Variants in TFE3 observed in about 807,000 individuals in gnomAD.
TFE3 encodes transcription factor E3.
In TFE3, 5 loss-of-function variants were observed where a neutral mutation model predicts 35.0. The ratio of observed to expected loss-of-function variants is 0.14; its 90% CI spans 0.07 to 0.30. The LOEUF is 0.30. TFE3 is among the 10% of genes least tolerant of loss of function. TFE3 has a pLI of 1.00. For synonymous variants in TFE3, 211 were observed against 215.6 expected (o/e 0.98, Z 0.18); for missense variants, 374 against 496.6 (o/e 0.75, Z 2.35).
At chrX:49,032,868 G>T (rs2064707451) in intron 8 of TFE3, among the ~76,000 whole-genome samples, 1 of 110,563 alleles carries the variant, frequency 9.0e-6, no homozygotes, top group African/African-American at 3.3e-5. Flanking sequence ...GTGGAGACAG[G>T]GTTTCACCAT....
At chrX:49,043,040 G>A (rs1197968722) in intron 1 of TFE3, 71 bp downstream of exon 1, 2 of 941,026 alleles carry the variant, frequency 2.1e-6, no homozygotes, top group Non-Finnish European at 2.8e-6. Flanking sequence ...CCAGTCCGGG[G>A]CCCCCACTGC....
At chrX:49,043,083 G>T (rs782499491) in intron 1 of TFE3, 28 bp downstream of exon 1, 1 of 1,110,385 alleles carries the variant, frequency 9.0e-7, no homozygotes, top group Non-Finnish European at 1.2e-6. Context: ...GCCCCAGTCG[G>T]CACTCCCAGC....
chrX:49,034,074 A>T, intron 6 of TFE3, 60 bp downstream of exon 6: 1 of 974,159 alleles, frequency 1.0e-6, no homozygotes, highest in African/African-American at 1.9e-5. Flanking sequence ...TAGACCTGGT[A>T]GGCACAGGGC....
chrX:49,039,990 C>A (rs782250054), intron 2 of TFE3, among the ~76,000 whole-genome samples: 1 of 110,153 alleles, frequency 9.1e-6, no homozygotes, highest in African/African-American at 3.3e-5. Context: ...TCTCAGAGCC[C>A]GGGCCGATGA....
chrX:49,032,412 A>AT (rs2064704421), intron 8 of TFE3, among the ~76,000 whole-genome samples: 1 of 107,894 alleles, frequency 9.3e-6, no homozygotes, highest in Non-Finnish European at 1.9e-5. Context: ...TTTTTTTTGT[A>AT]TTTTTTGTAG....
At chrX:49,033,347 A>G (rs2064710220) in intron 8 of TFE3, 118 bp downstream of exon 8, 1 of 647,840 alleles carries the variant, frequency 1.5e-6, no homozygotes, top group African/African-American at 2.2e-5. Flanking sequence ...AGAAAGAACC[A>G]GACAGAGGAG....
chrX:49,033,889 T>A, intron 6 of TFE3, 107 bp from the exon 7 acceptor site: 4 of 901,960 alleles, frequency 4.4e-6, no homozygotes, highest in South Asian at 2.2e-5. Flanking sequence ...ATGCCTTTTT[T>A]AAAAAGTGCC....
Position 49,030,448 on chromosome X carries a change from C to T in TFE3, c.1438G>A (p.Gly480Arg), listed in dbSNP as rs971474665. The T allele has an allele frequency of 8.3e-7, 1 of 1,211,616 alleles. No individual in the cohort carries two copies. ...GRPGAATFHV[G>R]GGPAQNAPHQ... is the part of the protein sequence containing the mutation. ...GGAGCATTCTGGGCAGGTCCCCCCC[C>T]TACATGGAACGTTGCTGCGCCTGGC... is the stretch of plus-strand genomic sequence containing the variant. Residue 480 changes from glycine to arginine, a missense_variant, in exon 10 of 10, where the codon GGG (glycine) becomes AGG (arginine). Physicochemically the swap from Gly to Arg is moderately radical, Grantham distance 125. Transcript: ENST00000315869.
At chrX:49,036,492 A>C in intron 5 of TFE3, among the ~76,000 whole-genome samples, 1 of 14,059 alleles carries the variant, frequency 7.1e-5, no homozygotes, top group African/African-American at 8.4e-5. Flanking sequence ...ATTCAATAAA[A>C]AATAAATAAA....
Position 49,030,209 on chromosome X carries a change from G to C in TFE3, c.1677C>G (p.Val559=). ...TGCTGCGGCGGCTGCTGGCCTTGGA[G>C]ACAGCAGGGGACACTGAAGAGAGCA... ...DPLLSSVSPA[V]SKASSRRSSF... The change falls in exon 10 of 10, where the codon GTC becomes GTG. Residue 559 remains valine, a synonymous_variant. Coordinates refer to ENST00000315869, the MANE Select transcript of TFE3 (RefSeq NM_006521.6). 8.3e-7 allele frequency: 1 copy of C among 1,206,540 alleles called. No individual in the cohort carries two copies. The highest frequency in any genetic ancestry group is 1.7e-5 in the African/African-American group (1 of 57,714).
intron 1 of TFE3, among the ~76,000 whole-genome samples, chrX:49,042,802 C>T (rs1191307769): frequency 1.8e-5 from 2 of 111,950 alleles, no homozygotes; most frequent in Non-Finnish European, 3.8e-5. Flanking sequence ...TAATCAGAGA[C>T]CCTGTCTACC....
chrX:49,036,697 G>A (rs2064732532), intron 5 of TFE3, among the ~76,000 whole-genome samples: 1 of 110,569 alleles, frequency 9.0e-6, no homozygotes, highest in African/African-American at 3.3e-5. Flanking sequence ...AGTTACTCAG[G>A]AGGCTGAGGC....
chrX:49,042,152 C>T (rs1557075844), intron 1 of TFE3, among the ~76,000 whole-genome samples: 1 of 111,629 alleles, frequency 9.0e-6, no homozygotes, highest in Non-Finnish European at 1.9e-5. Context: ...GGGGATCCAC[C>T]CAGGCAGGGA....
chrX:49,038,909 G>A (rs1280027384), intron 3 of TFE3, among the ~76,000 whole-genome samples, 198 bp downstream of exon 3: 1 of 110,142 alleles, frequency 9.1e-6, no homozygotes, highest in Non-Finnish European at 1.9e-5. Flanking sequence ...CGAACTCCTC[G>A]CAATTTCACA....
intron 5 of TFE3, among the ~76,000 whole-genome samples, chrX:49,035,344 A>AATAAATAAATAC (rs1360835589): frequency 9.4e-6 from 1 of 106,008 alleles, no homozygotes; most frequent in Admixed American, 1.0e-4. Context: ...TAAATAAATA[A>AATAAATAAATAC]ATACAAATAA....
At chrX:49,040,419 A>C in intron 2 of TFE3, 36 bp downstream of exon 2, 1 of 1,071,266 alleles carries the variant, frequency 9.3e-7, no homozygotes, top group Non-Finnish European at 1.3e-6. Context: ...GGGCTGAGGA[A>C]TTGGGAGGGG....
chrX:49,042,535 G>T (rs934690233), intron 1 of TFE3, among the ~76,000 whole-genome samples: 1 of 110,997 alleles, frequency 9.0e-6, no homozygotes, highest in Non-Finnish European at 1.9e-5. Context: ...TCATTCACAC[G>T]CACTCACAAG....
rs1399764884 is a variant in TFE3 at position 49,034,263 on chromosome X, G to T, written c.886-12C>A. On this transcript the variant is annotated splice_polypyrimidine_tract_variant and intron_variant, in intron 5 of 9. Transcript: ENST00000315869. The stretch of plus-strand genomic sequence containing the variant: ...CCTGACACAGGCAGCTGGGGGCAGA[G>T]AGGGCAGAGAACCACCAGTTGGGAA... 2.3e-5 allele frequency: 25 copies of T among 1,105,259 alleles called. No individual in the cohort carries two copies. Among genetic ancestry groups the T allele is most frequent in the Non-Finnish European group, 2.3e-5 (19 of 823,927 alleles). 91.1% of individuals were successfully genotyped at this position (1,105,259 alleles called of 1,213,427 possible). A position where few individuals can be genotyped will look rare whatever the true frequency, so the allele number is the denominator to read the frequency against.
At chrX:49,033,010 C>T (rs1465618774) in intron 8 of TFE3, among the ~76,000 whole-genome samples, 1 of 109,305 alleles carries the variant, frequency 9.1e-6, no homozygotes, top group Non-Finnish European at 1.9e-5. Flanking sequence ...TCATGTTGGC[C>T]AGGCTAGTCT....
Sources: allele counts gnomAD v4.1 joint callset (sites outside exome capture counted in the v4.1 genomes callset), GRCh38; gene constraint gnomAD v4.1.1; transcripts MANE v1.5; gene names NCBI Gene and HGNC (gene_info 2026-07-23, HGNC 2026-07-21).